LCOR: variants seen among roughly 807,000 people sequenced by gnomAD.
LCOR encodes ligand-dependent corepressor.
A neutral mutation model predicts 64.4 loss-of-function variants in LCOR; 14 were observed. The observed-to-expected ratio is 0.22, with a 90% confidence interval of 0.14 to 0.34. The LOEUF (loss-of-function observed/expected upper bound fraction) is 0.34. LCOR is among the 10% of genes least tolerant of loss of function. LCOR has a pLI of 1.00. For synonymous variants in LCOR, 643 were observed against 642.5 expected (o/e 1.00, Z -0.01); for missense variants, 1,686 against 1,765.3 (o/e 0.96, Z 0.80).
At position 96,982,437 on chromosome 10, in the gene LCOR, G is replaced by A. The variant is rs763951095; in HGVS notation, c.1977G>A (p.Thr659=). 2.8e-5 allele frequency: 45 copies of A among 1,614,052 alleles called. No homozygotes were observed. In the South Asian group the frequency reaches 4.2e-4, roughly 15 times the overall value. ...AACCACCAGTTGCACTGTTGGATAC[G>A]GAGGAGATGAGTGTACCCCAGGACT... ...HNQPPVALLD[T]EEMSVPQDCH... The change falls in exon 8 of 8, where the codon ACG becomes ACA. Residue 659 remains threonine (T), a synonymous_variant. Coordinates refer to ENST00000421806, the MANE Select transcript of LCOR (RefSeq NM_001346516.2).
intron 7 of LCOR, chr10:96,957,380 A>C: frequency 2.0e-6 from 2 of 985,120 alleles, no homozygotes; most frequent in Non-Finnish European, 1.2e-6. Flanking sequence ...AAATTATAAT[A>C]AGGGAAGTTT....
intron 6 of LCOR, among the ~76,000 whole-genome samples, chr10:96,949,692 C>T (rs190298934): frequency 3.3e-5 from 5 of 152,236 alleles, no homozygotes; most frequent in African/African-American, 1.2e-4. Flanking sequence ...CCTCTACTTG[C>T]AGGTATAAGT....
chr10:96,867,056 G>A lies in LCOR; in HGVS notation c.-330+33577G>A, dbSNP rs571115260. Among the ~76,000 whole-genome samples the A allele has an allele frequency of 6.3e-4, 96 of 151,958 alleles. 1 individual carries two copies. Among genetic ancestry groups the A allele is most frequent in the Admixed American group, 1.4e-3 (21 of 15,246 alleles). On this transcript the variant is annotated intron_variant, in intron 2 of 7. Transcript: ENST00000421806. ...GGCTGGGGTGCAGTGGCGCAATCTC[G>A]GCTCACCGCAACCTCCGTCTCCCAG...
At chr10:96,896,809 C>A (rs1032579931) in intron 2 of LCOR, among the ~76,000 whole-genome samples, 1 of 152,040 alleles carries the variant, frequency 6.6e-6, no homozygotes, top group Admixed American at 6.6e-5. Context: ...AAAGCTCCCG[C>A]AAGCATGCTA....
intron 2 of LCOR, among the ~76,000 whole-genome samples, chr10:96,858,986 T>A (rs1845846345): frequency 6.6e-6 from 1 of 152,208 alleles, no homozygotes; most frequent in Non-Finnish European, 1.5e-5. Flanking sequence ...TACGGCACAT[T>A]GCAGTATTGT....
At chr10:96,880,313 C>A (rs1028256728) in intron 2 of LCOR, among the ~76,000 whole-genome samples, 3 of 152,164 alleles carry the variant, frequency 2.0e-5, no homozygotes, top group African/African-American at 7.2e-5. Flanking sequence ...AGACTACAAA[C>A]GTGATGATAA....
At chr10:96,845,435 T>C (rs1176839690) in intron 2 of LCOR, among the ~76,000 whole-genome samples, 4 of 138,336 alleles carry the variant, frequency 2.9e-5, no homozygotes, top group Admixed American at 7.7e-5. Flanking sequence ...TTGCCTCTTA[T>C]AAATGGGCTT....
intron 7 of LCOR, among the ~76,000 whole-genome samples, chr10:96,971,883 C>T (rs947827551): frequency 1.3e-5 from 2 of 152,074 alleles, no homozygotes; most frequent in Non-Finnish European, 2.9e-5. Flanking sequence ...GGCCTTATAA[C>T]TCTTACGTCT....
At chr10:96,946,810 C>T (rs1002574355) in intron 5 of LCOR, among the ~76,000 whole-genome samples, 4 of 152,040 alleles carry the variant, frequency 2.6e-5, no homozygotes, top group Non-Finnish European at 5.9e-5. Flanking sequence ...GGTCCTTGTT[C>T]TAATATCTTT....
intron 2 of LCOR, among the ~76,000 whole-genome samples, chr10:96,903,484 A>T (rs761213006): frequency 1.1e-4 from 17 of 151,584 alleles, no homozygotes; most frequent in Non-Finnish European, 2.1e-4. Flanking sequence ...GCCTTGATGT[A>T]AAAATTGCTC....
intron 7 of LCOR, among the ~76,000 whole-genome samples, chr10:96,970,435 G>C (rs181076897): frequency 5.5e-4 from 83 of 151,746 alleles, no homozygotes; most frequent in African/African-American, 2.0e-3. Flanking sequence ...AAATTGACTT[G>C]AGGTATTTTT....
At chr10:96,978,965 A>G (rs1025348379) in intron 7 of LCOR, among the ~76,000 whole-genome samples, 1 of 152,238 alleles carries the variant, frequency 6.6e-6, no homozygotes, top group African/African-American at 2.4e-5. Flanking sequence ...GTTCAGAGAG[A>G]TGACGTAACT....
chr10:96,868,278 C>CTTTTT (rs528398644), intron 2 of LCOR, among the ~76,000 whole-genome samples: 6 of 136,622 alleles, frequency 4.4e-5, no homozygotes, highest in African/African-American at 8.1e-5. Context: ...CTTTTCTTTT[C>CTTTTT]TTTTTTTTTT....
chr10:96,905,414 T>C (rs968585708), intron 2 of LCOR, among the ~76,000 whole-genome samples: 1 of 152,182 alleles, frequency 6.6e-6, no homozygotes, highest in African/African-American at 2.4e-5. Context: ...TGAAATACTT[T>C]ATTATTTGTG....
At position 96,982,493 on chromosome 10, in the gene LCOR, C is replaced by G. The variant is rs762316678; in HGVS notation, c.2033C>G (p.Ser678Cys). ...CTCCTTCCCTCCACTGAAAGCTTTT[C>G]CGGGGGAGTCAGTGAAGATGTCATT... is the stretch of plus-strand genomic sequence containing the variant. ...CHLLPSTESF[S>C]GGVSEDVISR... Residue 678 changes from serine (S) to cysteine (C), a missense_variant, in exon 8 of 8, where the codon TCC becomes TGC. Ser to Cys is a moderately radical substitution (Grantham distance 112, BLOSUM62 -1). This residue lies in a region of LCOR where 1,293 missense variants were observed against 1,410.4 expected (regional missense o/e 0.92). Coordinates refer to ENST00000421806, the MANE Select transcript of LCOR (RefSeq NM_001346516.2). 1 of 1,614,198 alleles carries G rather than the reference C, an allele frequency of 6.2e-7. No homozygotes were observed. The highest frequency in any genetic ancestry group is 1.1e-5 in the South Asian group (1 of 91,086).
intron 4 of LCOR, among the ~76,000 whole-genome samples, chr10:96,918,228 C>G (rs1297731122): frequency 1.3e-5 from 2 of 152,064 alleles, no homozygotes; most frequent in Non-Finnish European, 2.9e-5. Context: ...AGTTGTCTTC[C>G]TGGCCCCATA....
intron 2 of LCOR, among the ~76,000 whole-genome samples, chr10:96,836,814 A>T (rs975419267): frequency 5.3e-5 from 8 of 152,228 alleles, no homozygotes; most frequent in Non-Finnish European, 4.4e-5. Context: ...AGTGTAAGGG[A>T]TATACACATG....
At chr10:96,879,277 A>C (rs935655914) in intron 2 of LCOR, among the ~76,000 whole-genome samples, 1 of 152,214 alleles carries the variant, frequency 6.6e-6, no homozygotes, top group African/African-American at 2.4e-5. Flanking sequence ...CAGCTAGAAA[A>C]GGTAGAACTA....
At chr10:96,964,019 T>G (rs1847920949) in intron 7 of LCOR, 1 of 152,240 alleles carries the variant, frequency 6.6e-6, no homozygotes, top group Non-Finnish European at 1.5e-5. Flanking sequence ...TACTGTAGTT[T>G]ATATTTATTT....
Sources: allele counts gnomAD v4.1 joint callset (sites outside exome capture counted in the v4.1 genomes callset), GRCh38; gene constraint gnomAD v4.1.1; regional missense constraint gnomAD v4.1.1; transcripts MANE v1.5; gene names NCBI Gene and HGNC (gene_info 2026-07-23, HGNC 2026-07-21).